The following GIN1 variants were observed in gnomAD, a reference collection of about 807,000 sequenced individuals.
GIN1 encodes the protein gypsy retrotransposon integrase 1, also known as gypsy retrotransposon integrase-like protein 1.
In GIN1, 41 loss-of-function variants were observed where a neutral mutation model predicts 51.4. The ratio of observed to expected loss-of-function variants is 0.80; its 90% CI spans 0.62 to 1.04. The LOEUF is 1.04. Ranked by LOEUF, GIN1 falls within the 50% of genes least tolerant of loss-of-function variation. The pLI is 0.00. For missense variants in GIN1, 610 were observed against 612.4 expected (o/e 1.00, Z 0.04); for synonymous variants, 222 against 206.5 (o/e 1.07, Z -0.64).
Position 103,096,649 on chromosome 5 carries a change from T to C in GIN1, c.1186A>G (p.Ile396Val), listed in dbSNP as rs1787401659. ...EWVGPCVIDY[I>V]TESGCAVLRD... is the part of the protein sequence containing the mutation. The stretch of plus-strand genomic sequence containing the variant: ...AGGACAGCACATCCACTTTCTGTAA[T>C]ATAGTCTATGACACAAGGACCAACC... Residue 396 changes from isoleucine to valine, a missense_variant, in exon 7 of 8, where the codon ATT (isoleucine) becomes GTT (valine). Coordinates refer to ENST00000399004, the MANE Select transcript of GIN1 (RefSeq NM_017676.2). The C allele has an allele frequency of 6.2e-7, 1 of 1,613,952 alleles. No individual in the cohort carries two copies. The highest frequency in any genetic ancestry group is 8.5e-7 in the Non-Finnish European group (1 of 1,179,820).
intron 4 of GIN1, chr5:103,102,424 A>G (rs1250119072): frequency 6.6e-6 from 1 of 152,172 alleles, no homozygotes; most frequent in East Asian, 1.9e-4. Flanking sequence ...TCAGGTTACA[A>G]TTTGTTTGAT....
intron 2 of GIN1, among the ~76,000 whole-genome samples, chr5:103,107,653 A>G (rs1329287224): frequency 6.6e-6 from 1 of 152,132 alleles, no homozygotes; most frequent in Non-Finnish European, 1.5e-5. Context: ...CAGGAACCTT[A>G]TCTATGTTAT....
chr5:103,114,511 C>T (rs374787003), intron 1 of GIN1, among the ~76,000 whole-genome samples: 3 of 152,162 alleles, frequency 2.0e-5, no homozygotes, highest in East Asian at 3.9e-4. Context: ...TGGATGAACT[C>T]GGCATGTAAA....
chr5:103,111,978 A>G (rs1425809494), intron 1 of GIN1, among the ~76,000 whole-genome samples: 3 of 152,200 alleles, frequency 2.0e-5, no homozygotes, highest in African/African-American at 7.2e-5. Context: ...ACTGAAATTA[A>G]CTTCTCTGCT....
chr5:103,118,062 TTAACA>T (rs1788094066), intron 1 of GIN1, among the ~76,000 whole-genome samples: 2 of 152,206 alleles, frequency 1.3e-5, no homozygotes, highest in South Asian at 4.1e-4. Context: ...TTTACATTGT[TTAACA>T]TAATGTTCAG....
intron 4 of GIN1, among the ~76,000 whole-genome samples, chr5:103,100,357 C>A (rs1356670858): frequency 6.6e-6 from 1 of 151,866 alleles, no homozygotes; most frequent in Non-Finnish European, 1.5e-5. Context: ...GGTAGGATTA[C>A]AACAGGCATG....
At chr5:103,099,023 T>C (rs1164694461) in intron 4 of GIN1, among the ~76,000 whole-genome samples, 1 of 152,126 alleles carries the variant, frequency 6.6e-6, no homozygotes, top group Admixed American at 6.5e-5. Flanking sequence ...TTATTTTTAG[T>C]TGAGTAAACC....
rs2149409096 is a variant in GIN1 at position 103,120,120 on chromosome 5, C to G, written c.-64G>C. 5.2e-6 allele frequency: 1 copy of G among 191,660 alleles called. No homozygotes were observed. The highest frequency in any genetic ancestry group is 2.3e-5 in the African/African-American group (1 of 43,752). 11.9% of individuals were successfully genotyped at this position (191,660 alleles called of 1,614,324 possible). Reference sequence around the variant, plus strand: ...AAGCTTCCTCTCGTGATTTATCTCGCGCTGCCGGAAGCGGAACTACCCGGG... The same window carrying G: ...AAGCTTCCTCTCGTGATTTATCTCGGGCTGCCGGAAGCGGAACTACCCGGG... On this transcript the variant is annotated 5_prime_UTR_variant, in exon 1 of 8. Coordinates refer to ENST00000399004, the MANE Select transcript of GIN1 (RefSeq NM_017676.2).
chr5:103,093,134 C>G (rs762474291), intron 7 of GIN1, among the ~76,000 whole-genome samples: 76 of 151,834 alleles, frequency 5.0e-4, no homozygotes, highest in Non-Finnish European at 9.7e-4. Context: ...ATAATAGGCC[C>G]CTAAAGATGT....
rs1787394468 is a variant in GIN1, at chr5:103,096,431, TGAA to T, written c.1294+107_1294+109del. 2.6e-5 allele frequency: 21 copies of T among 819,898 alleles called. No individual in the cohort carries two copies. In the South Asian group the frequency reaches 3.6e-4, roughly 14 times the overall value. The allele number at this position is 819,898 out of a possible 1,614,324, so 50.8% of individuals were successfully genotyped here. A position where few individuals can be genotyped will look rare whatever the true frequency, so the allele number is the denominator to read the frequency against. On this transcript the variant is annotated intron_variant, in intron 7 of 7. Transcript: ENST00000399004. ...ATAGCTAAAACTGTAACAAATTTTATGAAGAAGGGAAAAGAAAACCTAACAAAA... is the reference window on the plus strand; with the variant it reads ...ATAGCTAAAACTGTAACAAATTTTATGAAGGGAAAAGAAAACCTAACAAAA...
At chr5:103,096,455 C>T (rs1787395289) in intron 7 of GIN1, 86 bp downstream of exon 7, 2 of 1,002,868 alleles carry the variant, frequency 2.0e-6, no homozygotes, top group South Asian at 3.3e-5. Flanking sequence ...GAAAACCTAA[C>T]AAAAGAGGGG....
chr5:103,106,978 A>G, intron 2 of GIN1, 69 bp from the exon 3 acceptor site: 1 of 778,048 alleles, frequency 1.3e-6, no homozygotes, highest in Non-Finnish European at 2.0e-6. Context: ...AGAGAATCAT[A>G]GCCTTCTCTT....
chr5:103,097,777 T>TCTG lies in GIN1; in HGVS notation c.643_644insCAG (p.Asn215delinsThrAsp). ...GCCAAACAATCTGTACAGTTCAATATTGATCTGAAAAATATATAAAACAAA... is the reference window on the plus strand; with the variant it reads ...GCCAAACAATCTGTACAGTTCAATATCTGTGATCTGAAAAATATATAAAACAAA... On this transcript the variant is annotated protein_altering_variant, in exon 5 of 8. Transcript: ENST00000399004. The TCTG allele has an allele frequency of 7.1e-7, 1 of 1,409,904 alleles. No individual in the cohort carries two copies. The highest frequency in any genetic ancestry group is 9.9e-7 in the Non-Finnish European group (1 of 1,014,424). The allele number at this position is 1,409,904 out of a possible 1,614,324, so 87.3% of individuals were successfully genotyped here.
At chr5:103,089,597 T>C (rs1554194320) in intron 7 of GIN1, among the ~76,000 whole-genome samples, 2 of 152,074 alleles carry the variant, frequency 1.3e-5, no homozygotes, top group South Asian at 2.1e-4. Context: ...GCTGGGACCA[T>C]AGACACATGT....
At chr5:103,093,523 T>C (rs1031138466) in intron 7 of GIN1, among the ~76,000 whole-genome samples, 1 of 152,248 alleles carries the variant, frequency 6.6e-6, no homozygotes. Context: ...GTTGAACTTC[T>C]AACCTTCAGA....
chr5:103,117,581 T>TATACACACACAC (rs5870042), intron 1 of GIN1, among the ~76,000 whole-genome samples: 74 of 149,488 alleles, frequency 5.0e-4, no homozygotes, highest in African/African-American at 1.7e-3. Context: ...GAAAAAAATA[T>TATACACACACAC]ACACACACAC....
chr5:103,097,861 G>T lies in GIN1; in HGVS notation c.640-80C>A. 4.7e-6 allele frequency: 3 copies of T among 641,002 alleles called. No individual in the cohort carries two copies. The South Asian group carries it at 6.5e-5, about 14-fold the overall frequency. The allele number at this position is 641,002 out of a possible 1,614,324, so 39.7% of individuals were successfully genotyped here. ...ATTGACTTAAAAAAAAGCTTCAAAAGAATTAGAATCTTGCCTTTTATTTAT... is the reference window on the plus strand; with the variant it reads ...ATTGACTTAAAAAAAAGCTTCAAAATAATTAGAATCTTGCCTTTTATTTAT... On this transcript the variant is annotated intron_variant, in intron 4 of 7. Coordinates refer to ENST00000399004, the MANE Select transcript of GIN1 (RefSeq NM_017676.2).
At chr5:103,098,590 C>A (rs1787475641) in intron 4 of GIN1, among the ~76,000 whole-genome samples, 1 of 152,108 alleles carries the variant, frequency 6.6e-6, no homozygotes, top group Non-Finnish European at 1.5e-5. Flanking sequence ...TGCCTAGCAG[C>A]TTGGACTACA....
chr5:103,099,355 A>G (rs147260156), intron 4 of GIN1, among the ~76,000 whole-genome samples: 47 of 152,008 alleles, frequency 3.1e-4, no homozygotes, highest in Middle Eastern at 3.4e-3. Context: ...ATCACTCCCA[A>G]TATATATTGG....
Sources: gnomAD v4.1 joint callset for allele counts (sites outside exome capture counted in the v4.1 genomes callset) on GRCh38, gnomAD v4.1.1 for gene constraint, MANE v1.5 for transcripts, NCBI Gene and HGNC (gene_info 2026-07-23, HGNC 2026-07-21) for gene names.